ESRRB: variants seen among roughly 807,000 people sequenced by gnomAD.
The protein encoded by ESRRB is estrogen related receptor beta.
In ESRRB, 16 loss-of-function variants were observed where a neutral mutation model predicts 46.0. The observed-to-expected ratio is 0.35, with a 90% CI of 0.24 to 0.53. The LOEUF (loss-of-function observed/expected upper bound fraction) is 0.53. Ranked by LOEUF, ESRRB falls within the 20% of genes least tolerant of loss-of-function variation. The pLI, the probability that ESRRB is intolerant of heterozygous loss-of-function variation, is 0.93. For missense variants in ESRRB, 488 were observed against 607.4 expected (o/e 0.80, Z 2.07); for synonymous variants, 246 against 259.6 (o/e 0.95, Z 0.50).
At chr14:76,464,702 T>A (rs927296645) in intron 3 of ESRRB, among the ~76,000 whole-genome samples, 3 of 152,166 alleles carry the variant, frequency 2.0e-5, no homozygotes, top group Non-Finnish European at 2.9e-5. Flanking sequence ...GTCTGTTGGT[T>A]CATTTTTGAC....
At chr14:76,488,982 G>A (rs948365374) in intron 5 of ESRRB, among the ~76,000 whole-genome samples, 2 of 152,152 alleles carry the variant, frequency 1.3e-5, no homozygotes, top group Non-Finnish European at 2.9e-5. Context: ...CCGGTGCCTA[G>A]CACAGGCCTG....
At chr14:76,324,886 G>T (rs1160351646) in intron 1 of ESRRB, among the ~76,000 whole-genome samples, 2 of 151,822 alleles carry the variant, frequency 1.3e-5, no homozygotes, top group African/African-American at 4.8e-5. Context: ...CCTTTGATTT[G>T]CCTTCAGCAA....
intron 1 of ESRRB, among the ~76,000 whole-genome samples, chr14:76,420,143 A>C (rs542636233): frequency 6.6e-6 from 1 of 152,280 alleles, no homozygotes; most frequent in South Asian, 2.1e-4. Context: ...AACCAGCATG[A>C]GCAAATGAGC....
At position 76,356,479 on chromosome 14, in the gene ESRRB, T is replaced by C. The variant is rs370737320; in HGVS notation, c.2+45563T>C. On this transcript the variant is annotated intron_variant, in intron 1 of 6. Coordinates refer to the ESRRB transcript ENST00000512784. ...GACTCTAGCCCCAAAGCCTGTGCTC[T>C]ATGTTATCCTGACTCTAGGATGACA... Among the ~76,000 whole-genome samples the C allele has an allele frequency of 5.1e-4, 77 of 152,316 alleles. 2 individuals carry two copies. The South Asian group carries it at 0.016, about 31-fold the overall frequency.
At chr14:76,461,634 G>A (rs1047797504) in intron 2 of ESRRB, among the ~76,000 whole-genome samples, 2 of 152,170 alleles carry the variant, frequency 1.3e-5, no homozygotes, top group East Asian at 3.9e-4. Flanking sequence ...TCAGCCTCCC[G>A]AGTAGCTGGG....
intron 3 of ESRRB, among the ~76,000 whole-genome samples, chr14:76,476,046 G>A (rs1889569993): frequency 6.6e-6 from 1 of 151,590 alleles, no homozygotes; most frequent in Non-Finnish European, 1.5e-5. Flanking sequence ...TCAAGATGCA[G>A]AAAATCTTTA....
intron 2 of ESRRB, among the ~76,000 whole-genome samples, chr14:76,458,240 G>A (rs1296012432): frequency 6.6e-6 from 1 of 151,894 alleles, no homozygotes. Context: ...GTTCCTACAC[G>A]CTCCTAGGCC....
intron 1 of ESRRB, among the ~76,000 whole-genome samples, chr14:76,358,249 T>C (rs1286353985): frequency 3.5e-5 from 5 of 142,446 alleles, no homozygotes; most frequent in African/African-American, 5.2e-5. Context: ...GAGGTGGAGG[T>C]TTCAGTGAGC....
At chr14:76,342,911 A>T (rs1884208446) in intron 1 of ESRRB, among the ~76,000 whole-genome samples, 1 of 152,240 alleles carries the variant, frequency 6.6e-6, no homozygotes, top group African/African-American at 2.4e-5. Context: ...TCCAGTAGAA[A>T]AATGGGCAGG....
chr14:76,473,715 G>T (rs1048484915), intron 3 of ESRRB, among the ~76,000 whole-genome samples: 2 of 152,252 alleles, frequency 1.3e-5, no homozygotes, highest in African/African-American at 2.4e-5. Flanking sequence ...AGGGAAGAAG[G>T]AATTATTTTA....
chr14:76,358,391 GAAAGAAAGAAAGAAAGAAAGA>G (rs1884421035), intron 1 of ESRRB, among the ~76,000 whole-genome samples: 2 of 61,838 alleles, frequency 3.2e-5, no homozygotes, highest in East Asian at 3.2e-4. Flanking sequence ...AAGAAAGAAA[GAAAGAAAGAAAGAAAGAAAGA>G]AAAGAAAAGA....
At chr14:76,313,495 T>C (rs1159565630) in intron 1 of ESRRB, among the ~76,000 whole-genome samples, 1 of 152,120 alleles carries the variant, frequency 6.6e-6, no homozygotes, top group Non-Finnish European at 1.5e-5. Flanking sequence ...CTCGAACACA[T>C]AGGAATCCAG....
intron 5 of ESRRB, among the ~76,000 whole-genome samples, chr14:76,485,303 C>T (rs991700058): frequency 7.4e-5 from 10 of 135,296 alleles, no homozygotes; most frequent in African/African-American, 2.5e-4. Flanking sequence ...TGCAGTGGTG[C>T]GATCTCGGCT....
chr14:76,319,472 G>C (rs1883842563), intron 1 of ESRRB, among the ~76,000 whole-genome samples: 1 of 151,894 alleles, frequency 6.6e-6, no homozygotes, highest in South Asian at 2.1e-4. Flanking sequence ...GGAGTATTGT[G>C]GTCAGCCATC....
At position 76,482,649 on chromosome 14, in the gene ESRRB, C is replaced by T; in HGVS notation, c.740C>T (p.Ala247Val). 1 of 1,614,144 alleles carries T rather than the reference C, an allele frequency of 6.2e-7. No homozygotes were observed. Among genetic ancestry groups the T allele is most frequent in the Non-Finnish European group, 8.5e-7 (1 of 1,180,022 alleles). ...LLVAEPDKLY[A>V]MPPPGMPEGD... ...GTGGCTGAGCCGGACAAGCTCTATG[C>T]CATGCCTCCCCCTGGTATGCCTGAG... is the stretch of plus-strand genomic sequence containing the variant. Residue 247 changes from alanine to valine, a missense_variant, in exon 5 of 7, where the codon GCC becomes GTC. Ala to Val is a moderately conservative substitution (Grantham distance 64, BLOSUM62 0). Transcript: ENST00000644823. This position sits in a 1 kb window ranked among gnomAD's most constrained non-coding sequence, Gnocchi z 4.3.
chr14:76,418,773 G>A (rs1338007957), intron 1 of ESRRB, among the ~76,000 whole-genome samples: 1 of 152,084 alleles, frequency 6.6e-6, no homozygotes, highest in Non-Finnish European at 1.5e-5. Context: ...CTGCCACCAT[G>A]CCTGGCTAAT....
chr14:76,414,680 A>C (rs1032002526), intron 1 of ESRRB, among the ~76,000 whole-genome samples: 1 of 142,168 alleles, frequency 7.0e-6, no homozygotes, highest in African/African-American at 2.8e-5. Context: ...AAAAAAAAAA[A>C]AAAAAAAAAA....
intron 1 of ESRRB, among the ~76,000 whole-genome samples, chr14:76,428,008 A>G (rs1392286155): frequency 6.6e-6 from 1 of 152,094 alleles, no homozygotes; most frequent in African/African-American, 2.4e-5. Flanking sequence ...TGGGTTATAT[A>G]TATGTTTGAG....
chr14:76,326,347 G>A (rs1228103044), intron 1 of ESRRB, among the ~76,000 whole-genome samples: 1 of 152,212 alleles, frequency 6.6e-6, no homozygotes, highest in Non-Finnish European at 1.5e-5. Context: ...GATGGTAAAA[G>A]TCCAGACTTT....
Sources: allele counts gnomAD v4.1 joint callset (sites outside exome capture counted in the v4.1 genomes callset), GRCh38; gene constraint gnomAD v4.1.1; non-coding constraint Gnocchi (gnomAD v3.1); transcripts MANE v1.5; gene names NCBI Gene and HGNC (gene_info 2026-07-23, HGNC 2026-07-21).